Variants in GFI1 observed in about 807,000 individuals in gnomAD.
GFI1 encodes zinc finger protein Gfi-1.
Under a neutral mutation model 39.2 loss-of-function variants are expected in GFI1, and 15 were observed. The observed-to-expected ratio is 0.38, with a 90% CI of 0.26 to 0.59. The LOEUF (loss-of-function observed/expected upper bound fraction) is 0.59, where lower values mean the gene tolerates loss of function less well. Ranked by LOEUF, GFI1 falls within the 20% of genes least tolerant of loss-of-function variation. GFI1 has a pLI of 0.62. For missense variants in GFI1, 475 were observed against 574.0 expected (o/e 0.83, Z 1.76); for synonymous variants, 239 against 254.3 (o/e 0.94, Z 0.57).
In GFI1 at chr1:92,481,965, C is replaced by CA. The variant is rs570736977; in HGVS notation, c.299-878_299-877insT. ...TGTGTGTGTGTGTGCGCACAACACT[C>CA]CAGTTCAGGCTGGCCACTTCAGTGA... On this transcript the variant is annotated intron_variant, in intron 3 of 6. Transcript: ENST00000294702. The surrounding 1 kb of genome is among the most constrained non-coding windows in gnomAD (Gnocchi z 4.3). Among the ~76,000 whole-genome samples the CA allele has an allele frequency of 0.1, 1,947 of 18,822 alleles. 45 individuals carry two copies. Among genetic ancestry groups the CA allele is most frequent in the African/African-American group, 0.24 (1,810 of 7,512 alleles). 12.3% of individuals were successfully genotyped at this position (18,822 alleles called of 152,430 possible). A position where few individuals can be genotyped will look rare whatever the true frequency, so the allele number is the denominator to read the frequency against.
rs773266925 is a variant in GFI1, at chr1:92,480,675, T to TGTAG, written c.711_712insCTAC (p.Lys238LeufsTer77). The TGTAG allele has an allele frequency of 1.3e-6, 2 of 1,596,250 alleles. No individual in the cohort carries two copies. Among genetic ancestry groups the TGTAG allele is most frequent in the South Asian group, 2.2e-5 (2 of 89,568 alleles). On this transcript the variant is annotated frameshift_variant, in exon 4 of 7. Coordinates refer to ENST00000294702, the MANE Select transcript of GFI1 (RefSeq NM_005263.5). LOFTEE classifies it high-confidence loss of function. The surrounding 1 kb of genome is among the most constrained non-coding windows in gnomAD (Gnocchi z 5.6). ...GTGCACAGCAGCTCCGACTCCACCT[T>TGTAG]GACGCCAGCGCCCTTGTCTGCGTGC...
rs1658083174 is a variant in GFI1, at chr1:92,478,757, C to CAGAGGG, written c.925-5_925-4insCCCTCT. 7.8e-7 allele frequency: 1 copy of CAGAGGG among 1,278,432 alleles called. No homozygotes were observed. The highest frequency in any genetic ancestry group is 1.6e-5 in the African/African-American group (1 of 62,072). The allele number at this position is 1,278,432 out of a possible 1,614,324, so 79.2% of individuals were successfully genotyped here. ...TCTTACAGTCAAAGCTCCGTTCCTG[C>CAGAGGG]AGAGAGAGAGAGAGAGAGAGAGAGA... On this transcript the variant is annotated splice_region_variant and splice_polypyrimidine_tract_variant and intron_variant, in intron 5 of 6. Transcript: ENST00000294702.
At chr1:92,483,150 C>A in intron 2 of GFI1, 104 bp from the exon 3 acceptor site, 1 of 1,108,448 alleles carries the variant, frequency 9.0e-7, no homozygotes, top group East Asian at 2.6e-5. Flanking sequence ...GCGTCTTCCC[C>A]TCTCCACCCA....
Position 92,476,198 on chromosome 1 carries a change from G to A in GFI1, c.1100C>T (p.Pro367Leu). 5 of 1,613,062 alleles carry A rather than the reference G, an allele frequency of 3.1e-6. No individual in the cohort carries two copies. Among genetic ancestry groups the A allele is most frequent in the Non-Finnish European group, 4.2e-6 (5 of 1,179,600 alleles). ...KHTFIHTGEK[P>L]HKCQVCGKAF... is the part of the protein sequence containing the mutation. ...CTTGCCGCACACCTGGCACTTGTGAGGCTTCTCACCTGTGGGGATGGGAGG... is the reference window on the plus strand; with the variant it reads ...CTTGCCGCACACCTGGCACTTGTGAAGCTTCTCACCTGTGGGGATGGGAGG... Residue 367 changes from proline (P) to leucine (L), a missense_variant, in exon 7 of 7, where the codon CCT becomes CTT. Pro to Leu is a moderately conservative substitution (Grantham distance 98, BLOSUM62 -3). Coordinates refer to ENST00000294702, the MANE Select transcript of GFI1 (RefSeq NM_005263.5).
chr1:92,480,561 G>A lies in GFI1; in HGVS notation c.786+40C>T, dbSNP rs765190282. Reference sequence around the variant, plus strand: ...CAGGCGAGGCGCGGGTAGGGGAAGCGGGCGCACGGCAGGCGAGGTGGTGAG... The same window carrying A: ...CAGGCGAGGCGCGGGTAGGGGAAGCAGGCGCACGGCAGGCGAGGTGGTGAG... On this transcript the variant is annotated intron_variant, in intron 4 of 6. Coordinates refer to ENST00000294702, the MANE Select transcript of GFI1 (RefSeq NM_005263.5). The surrounding 1 kb of genome is among the most constrained non-coding windows in gnomAD (Gnocchi z 5.6). The A allele has an allele frequency of 1.3e-6, 2 of 1,541,854 alleles. No homozygotes were observed. The highest frequency in any genetic ancestry group is 4.9e-5 in the East Asian group (2 of 40,876).
Position 92,480,686 on chromosome 1 carries a change from C to A in GFI1, c.701G>T (p.Gly234Val). The change falls in exon 4 of 7, where the codon GGC (glycine) becomes GTC (valine). Residue 234 changes from glycine to valine, a missense_variant. By Grantham distance (109) the Gly-to-Val change is moderately radical. This residue lies in a region of GFI1 where 79 missense variants were observed against 68.4 expected (regional missense o/e 1.15). Transcript: ENST00000294702. This position sits in a 1 kb window ranked among gnomAD's most constrained non-coding sequence, Gnocchi z 5.6. ...CTCCGACTCCACCTTGACGCCAGCG[C>A]CCTTGTCTGCGTGCAGCCCGTGGCC... The part of the protein sequence containing the change: ...ERGHGLHADK[G>V]AGVKVESELL... 6.3e-7 allele frequency: 1 copy of A among 1,596,430 alleles called. No individual in the cohort carries two copies. Among genetic ancestry groups the A allele is most frequent in the South Asian group, 1.1e-5 (1 of 89,620 alleles).
chr1:92,476,187 G>T lies in GFI1; in HGVS notation c.1111C>A (p.Gln371Lys). 1 of 1,613,462 alleles carries T rather than the reference G, an allele frequency of 6.2e-7. No individual in the cohort carries two copies. Among genetic ancestry groups the T allele is most frequent in the South Asian group, 1.1e-5 (1 of 90,856 alleles). The change falls in exon 7 of 7, where the codon CAG becomes AAG. Residue 371 changes from glutamine to lysine, a missense_variant. By Grantham distance (53) the Gln-to-Lys change is moderately conservative. Coordinates refer to ENST00000294702, the MANE Select transcript of GFI1 (RefSeq NM_005263.5). ...TGGCTGAATGCCTTGCCGCACACCT[G>T]GCACTTGTGAGGCTTCTCACCTGTG... is the stretch of plus-strand genomic sequence containing the variant. ...IHTGEKPHKC[Q>K]VCGKAFSQSS...
In GFI1 at chr1:92,478,615, T is replaced by G; in HGVS notation, c.1063A>C (p.Met355Leu). The change falls in exon 6 of 7, where the codon ATG becomes CTG. Residue 355 changes from methionine (M) to leucine (L), a missense_variant. By Grantham distance (15) the Met-to-Leu change is conservative (BLOSUM62 2). Coordinates refer to ENST00000294702, the MANE Select transcript of GFI1 (RefSeq NM_005263.5). ...CGKRFHQKSD[M>L]KKHTFIHTGE... is the part of the protein sequence containing the mutation. Reference sequence around the variant, plus strand: ...GTGTGGATGAAAGTGTGTTTCTTCATGTCTGACTTCTGGTGGAACCTCTTG... The same window carrying G: ...GTGTGGATGAAAGTGTGTTTCTTCAGGTCTGACTTCTGGTGGAACCTCTTG... The G allele has an allele frequency of 5.6e-6, 9 of 1,614,140 alleles. No homozygotes were observed. Among genetic ancestry groups the G allele is most frequent in the South Asian group, 1.1e-5 (1 of 91,076 alleles).
At chr1:92,485,380 A>G (rs4565725) in intron 1 of GFI1, among the ~76,000 whole-genome samples, 112,167 of 152,212 alleles carry the variant, frequency 0.74, 42,457 homozygotes, top group East Asian at 0.95. Flanking sequence ...GCTTGGACCC[A>G]CGTTGGCTGG....
Position 92,480,567 on chromosome 1 carries a change from A to G in GFI1, c.786+34T>C, listed in dbSNP as rs1254444244. ...AGGCGCGGGTAGGGGAAGCGGGCGC[A>G]CGGCAGGCGAGGTGGTGAGCTCGGG... On this transcript the variant is annotated intron_variant, in intron 4 of 6. Coordinates refer to ENST00000294702, the MANE Select transcript of GFI1 (RefSeq NM_005263.5). This position sits in a 1 kb window ranked among gnomAD's most constrained non-coding sequence, Gnocchi z 5.6. 8 of 1,540,892 alleles carry G rather than the reference A, an allele frequency of 5.2e-6. No homozygotes were observed. Among genetic ancestry groups the G allele is most frequent in the East Asian group, 2.4e-5 (1 of 40,892 alleles).
intron 1 of GFI1, among the ~76,000 whole-genome samples, chr1:92,486,370 A>G (rs1029794938): frequency 4.6e-5 from 7 of 152,202 alleles, no homozygotes; most frequent in Non-Finnish European, 7.4e-5. Flanking sequence ...TAGGCACTAG[A>G]AATGACTTGA....
intron 6 of GFI1, 141 bp downstream of exon 6, chr1:92,478,447 C>T: frequency 2.7e-6 from 2 of 747,240 alleles, no homozygotes; most frequent in South Asian, 1.7e-5. Flanking sequence ...AGAACCCACC[C>T]CTTTGTTTTC....
intron 1 of GFI1, 92 bp from the exon 2 acceptor site, chr1:92,483,678 G>T (rs751035973): frequency 2.0e-4 from 131 of 644,338 alleles, no homozygotes; most frequent in Non-Finnish European, 2.6e-4. Flanking sequence ...CGCGGGCCAG[G>T]GAGGCGCGCA....
chr1:92,478,810 G>T, intron 5 of GFI1, 57 bp from the exon 6 acceptor site: 1 of 1,500,376 alleles, frequency 6.7e-7, no homozygotes. Flanking sequence ...AACTCCTACT[G>T]CAGTCAACTA....
At chr1:92,477,838 A>C (rs571899750) in intron 6 of GFI1, among the ~76,000 whole-genome samples, 1 of 152,256 alleles carries the variant, frequency 6.6e-6, no homozygotes, top group Non-Finnish European at 1.5e-5. Flanking sequence ...GAAAAGGGCA[A>C]TAAGTGAACA....
rs1350819974 is a variant in GFI1, at chr1:92,473,633, G to C, written c.*2396C>G. 6.6e-6 allele frequency among the ~76,000 whole-genome samples: 1 copy of C among 152,204 alleles called. No homozygotes were observed. The highest frequency in any genetic ancestry group is 1.5e-5 in the Non-Finnish European group (1 of 68,042). On this transcript the variant is annotated 3_prime_UTR_variant, in exon 7 of 7. Coordinates refer to ENST00000294702, the MANE Select transcript of GFI1 (RefSeq NM_005263.5). ...CAAGGACTGAGATTTGGAGAAACCA[G>C]AGAAAAGCAGCATTCAAGCCCCCCT... is the stretch of plus-strand genomic sequence containing the variant.
At chr1:92,479,929 C>A (rs971252168) in intron 5 of GFI1, among the ~76,000 whole-genome samples, 4 of 152,100 alleles carry the variant, frequency 2.6e-5, no homozygotes, top group African/African-American at 9.7e-5. Context: ...CTACTAGATG[C>A]TCTAAATGAG....
chr1:92,476,504 A>G (rs947957591), intron 6 of GFI1, among the ~76,000 whole-genome samples: 5 of 152,224 alleles, frequency 3.3e-5, no homozygotes, highest in Admixed American at 1.3e-4. Flanking sequence ...TGCCCTCCCC[A>G]GCTGAATCTA....
rs1443885823 is a variant in GFI1, at chr1:92,478,653, CAG to C, written c.1023_1024del (p.Cys342SerfsTer23). On this transcript the variant is annotated frameshift_variant, in exon 6 of 7. Transcript: ENST00000294702. LOFTEE classifies it high-confidence loss of function. ...GTGGAACCTCTTGCCACAGTACTGA[CAG>C]GGGTAGGGCCGAGTGTCTGAGTGGA... 1.2e-6 allele frequency: 2 copies of C among 1,613,670 alleles called. No individual in the cohort carries two copies. The highest frequency in any genetic ancestry group is 1.7e-6 in the Non-Finnish European group (2 of 1,179,936).
Sources: gnomAD v4.1 joint callset for allele counts (sites outside exome capture counted in the v4.1 genomes callset) on GRCh38, gnomAD v4.1.1 for gene constraint, gnomAD v4.1.1 regional missense constraint, Gnocchi (gnomAD v3.1) non-coding constraint, MANE v1.5 for transcripts, NCBI Gene and HGNC (gene_info 2026-07-23, HGNC 2026-07-21) for gene names.